BICRAL: variants seen among roughly 807,000 people sequenced by gnomAD.
BICRAL encodes the protein BICRA like chromatin remodeling complex associated protein, also known as BRD4-interacting chromatin-remodeling complex-associated protein-like.
In BICRAL, 8 loss-of-function variants were observed where a neutral mutation model predicts 91.8. The observed-to-expected ratio is 0.09, with a 90% CI of 0.05 to 0.16. The LOEUF is 0.16. Ranked by LOEUF, BICRAL falls within the 10% of genes least tolerant of loss-of-function variation. BICRAL has a pLI of 1.00. For missense variants in BICRAL, 1,038 were observed against 1,310.9 expected (o/e 0.79, Z 3.21); for synonymous variants, 445 against 491.1 (o/e 0.91, Z 1.24).
At chr6:42,790,355 T>G (rs1221459198) in intron 1 of BICRAL, among the ~76,000 whole-genome samples, 4 of 109,456 alleles carry the variant, frequency 3.7e-5, no homozygotes, top group Non-Finnish European at 5.8e-5. Flanking sequence ...TTTTTTTTTT[T>G]GTAGAGACAG....
intron 11 of BICRAL, among the ~76,000 whole-genome samples, chr6:42,861,344 G>T (rs1765551922): frequency 6.6e-6 from 1 of 152,156 alleles, no homozygotes. Flanking sequence ...TGTACAACTT[G>T]ATGGTTTTTA....
rs1341368621 is a variant in BICRAL at position 42,857,613 on chromosome 6, A to AT, written c.2254+377_2254+378insT. 6.5e-3 allele frequency among the ~76,000 whole-genome samples: 713 copies of AT among 109,308 alleles called. 5 individuals carry two copies. The highest frequency in any genetic ancestry group is 0.016 in the African/African-American group (263 of 16,924). The allele number at this position is 109,308 out of a possible 152,430, so 71.7% of individuals were successfully genotyped here. A position where few individuals can be genotyped will look rare whatever the true frequency, so the allele number is the denominator to read the frequency against. On this transcript the variant is annotated intron_variant, in intron 10 of 12. Coordinates refer to ENST00000314073, the MANE Select transcript of BICRAL (RefSeq NM_001393499.1). ...GACACTGTCTCTTAAAAAAAAAAAA[A>AT]AATATATATATATATATATATATTT...
chr6:42,796,403 A>C (rs1763414568), intron 1 of BICRAL, among the ~76,000 whole-genome samples: 1 of 152,178 alleles, frequency 6.6e-6, no homozygotes, highest in South Asian at 2.1e-4. Context: ...GGGCGTGGCA[A>C]GGTAGCAAGG....
chr6:42,802,133 A>G (rs183232614), intron 1 of BICRAL, among the ~76,000 whole-genome samples: 1 of 151,990 alleles, frequency 6.6e-6, no homozygotes, highest in East Asian at 1.9e-4. Flanking sequence ...AAAAATTAGT[A>G]CAGTGGCATG....
intron 1 of BICRAL, among the ~76,000 whole-genome samples, chr6:42,748,947 A>G (rs1024969219): frequency 2.6e-5 from 4 of 152,114 alleles, no homozygotes; most frequent in African/African-American, 9.7e-5. Flanking sequence ...TGATGGAAGG[A>G]GAGTGGGGAA....
At chr6:42,820,400 A>G (rs1764104906) in intron 2 of BICRAL, among the ~76,000 whole-genome samples, 2 of 152,194 alleles carry the variant, frequency 1.3e-5, no homozygotes, top group Non-Finnish European at 2.9e-5. Flanking sequence ...ATAATTGGCT[A>G]ATTTTTTCCA....
chr6:42,829,689 C>T lies in BICRAL; in HGVS notation c.1356C>T (p.Leu452=), dbSNP rs1369573675. The T allele has an allele frequency of 1.2e-6, 2 of 1,614,184 alleles. No individual in the cohort carries two copies. The highest frequency in any genetic ancestry group is 2.2e-5 in the East Asian group (1 of 44,874). The part of the protein sequence containing the change: ...VMLNRNSSNM[L]RTNQPYTGPM... ...TGAACAGAAACTCTTCCAACATGCT[C>T]AGGACCAACCAACCATATACTGGAC... The change falls in exon 6 of 13, where the codon CTC becomes CTT. Residue 452 remains leucine, a synonymous_variant. Coordinates refer to ENST00000314073, the MANE Select transcript of BICRAL (RefSeq NM_001393499.1).
At chr6:42,821,124 A>G (rs1234121819) in intron 2 of BICRAL, 1 of 152,244 alleles carries the variant, frequency 6.6e-6, no homozygotes, top group Non-Finnish European at 1.5e-5. Context: ...ACTGCTCCAG[A>G]ACTCTTGGCC....
rs772227905 is a variant in BICRAL at position 42,829,571 on chromosome 6, C to T, written c.1238C>T (p.Ser413Leu). 3.1e-6 allele frequency: 5 copies of T among 1,614,210 alleles called. No homozygotes were observed. The highest frequency in any genetic ancestry group is 2.2e-5 in the South Asian group (2 of 91,090). Residue 413 changes from serine (S) to leucine (L), a missense_variant, in exon 6 of 13, where the codon TCG becomes TTG. Physicochemically the swap from Ser to Leu is moderately radical, Grantham distance 145 (BLOSUM62 -2). Coordinates refer to ENST00000314073, the MANE Select transcript of BICRAL (RefSeq NM_001393499.1). ...IPTSLSVSSN[S>L]VHHVQTINGQ... is the part of the protein sequence containing the mutation. Reference sequence around the variant, plus strand: ...ACAAGCCTTTCTGTCAGTTCCAACTCGGTACACCACGTCCAGACTATAAAT... The same window carrying T: ...ACAAGCCTTTCTGTCAGTTCCAACTTGGTACACCACGTCCAGACTATAAAT...
intron 12 of BICRAL, among the ~76,000 whole-genome samples, chr6:42,864,253 T>C (rs1562501279): frequency 1.3e-5 from 2 of 152,038 alleles, no homozygotes; most frequent in South Asian, 2.1e-4. Flanking sequence ...GGCAGGAGAA[T>C]TGCTTGAACC....
intron 1 of BICRAL, among the ~76,000 whole-genome samples, chr6:42,767,010 AG>A (rs1762645947): frequency 6.6e-6 from 1 of 151,486 alleles, no homozygotes; most frequent in Non-Finnish European, 1.5e-5. Context: ...ACTGTACTCC[AG>A]CCTGGGCAAC....
In BICRAL at chr6:42,864,698, A is replaced by T; in HGVS notation, c.2492A>T (p.Asp831Val). 1.2e-6 allele frequency: 2 copies of T among 1,614,042 alleles called. No individual in the cohort carries two copies. The highest frequency in any genetic ancestry group is 1.7e-6 in the Non-Finnish European group (2 of 1,179,998). Reference protein sequence around the residue: ...QADFCCSFKLDKAAHETQFGR... With the variant: ...QADFCCSFKLVKAAHETQFGR... ...GATTTCTGTTGTTCCTTCAAACTTGATAAAGCTGCTCATGAGACACAGTTT... is the reference window on the plus strand; with the variant it reads ...GATTTCTGTTGTTCCTTCAAACTTGTTAAAGCTGCTCATGAGACACAGTTT... Residue 831 changes from aspartate to valine, a missense_variant, in exon 13 of 13, where the codon GAT (aspartate) becomes GTT (valine). Around this residue, in one of 5 missense-constraint regions of BICRAL, gnomAD observed 294 missense variants for 292.6 expected, o/e 1.00. Transcript: ENST00000314073.
chr6:42,857,026 A>C, intron 9 of BICRAL, 65 bp from the exon 10 acceptor site: 3 of 1,353,528 alleles, frequency 2.2e-6, no homozygotes, highest in Non-Finnish European at 3.1e-6. Context: ...GCATGCAAAT[A>C]AATATGACTA....
intron 2 of BICRAL, among the ~76,000 whole-genome samples, chr6:42,815,984 CAAAAAAAA>C (rs746928245): frequency 1.3e-4 from 5 of 39,270 alleles, no homozygotes; most frequent in Non-Finnish European, 1.5e-4. Context: ...AACTCTGTCT[CAAAAAAAA>C]AAAAAAAAAA....
chr6:42,861,017 T>A (rs1765539599), intron 11 of BICRAL, among the ~76,000 whole-genome samples: 1 of 152,060 alleles, frequency 6.6e-6, no homozygotes, highest in Non-Finnish European at 1.5e-5. Context: ...TCCCAGCTAC[T>A]CGGGAGGCTG....
rs548358274 is a variant in BICRAL at position 42,848,867 on chromosome 6, C to T, written c.1840-3225C>T. 5.3e-5 allele frequency among the ~76,000 whole-genome samples: 8 copies of T among 152,238 alleles called. No individual in the cohort carries two copies. In the South Asian group the frequency reaches 1.7e-3, roughly 32 times the overall value. Reference sequence around the variant, plus strand: ...CAATTAATTATAAAGCAGGTACTCACGGCTGGGCTTGGTGGCTCAAGCCTG... The same window carrying T: ...CAATTAATTATAAAGCAGGTACTCATGGCTGGGCTTGGTGGCTCAAGCCTG... On this transcript the variant is annotated intron_variant, in intron 6 of 12. Coordinates refer to ENST00000314073, the MANE Select transcript of BICRAL (RefSeq NM_001393499.1).
rs1369573675 is a variant in BICRAL, at chr6:42,829,689, C to G, written c.1356C>G (p.Leu452=). 1.2e-6 allele frequency: 2 copies of G among 1,614,066 alleles called. No individual in the cohort carries two copies. Among genetic ancestry groups the G allele is most frequent in the Non-Finnish European group, 1.7e-6 (2 of 1,180,048 alleles). The change falls in exon 6 of 13, where the codon CTC becomes CTG. Residue 452 remains leucine, a synonymous_variant. Transcript: ENST00000314073. The part of the protein sequence containing the change: ...VMLNRNSSNM[L]RTNQPYTGPM... ...TGAACAGAAACTCTTCCAACATGCT[C>G]AGGACCAACCAACCATATACTGGAC...
chr6:42,786,042 C>A (rs1175927482), intron 1 of BICRAL, among the ~76,000 whole-genome samples: 1 of 132,538 alleles, frequency 7.5e-6, no homozygotes, highest in African/African-American at 2.6e-5. Context: ...AGACAAAAAA[C>A]ACAGGTCAGG....
At chr6:42,774,623 T>G (rs1224062294) in intron 1 of BICRAL, among the ~76,000 whole-genome samples, 2 of 140,140 alleles carry the variant, frequency 1.4e-5, no homozygotes, top group Non-Finnish European at 3.2e-5. Context: ...TATAAACATT[T>G]GGAGTATAAG....
Sources: allele counts gnomAD v4.1 joint callset (sites outside exome capture counted in the v4.1 genomes callset), GRCh38; gene constraint gnomAD v4.1.1; regional missense constraint gnomAD v4.1.1; transcripts MANE v1.5; gene names NCBI Gene and HGNC (gene_info 2026-07-23, HGNC 2026-07-21).